Variants in FMN2 observed in about 807,000 individuals in gnomAD.
FMN2 encodes formin 2.
A neutral mutation model predicts 142.3 loss-of-function variants in FMN2; 51 were observed. The observed-to-expected ratio is 0.36, with a 90% confidence interval of 0.29 to 0.45. The LOEUF is 0.45. Ranked by LOEUF, FMN2 falls within the 20% of genes least tolerant of loss-of-function variation. FMN2 has a pLI of 1.00. For missense variants in FMN2, 1,936 were observed against 2,122.8 expected, an observed-to-expected ratio of 0.91 and a Z score of 1.73; for synonymous variants, 882 against 869.8, an observed-to-expected ratio of 1.01 and a Z score of -0.25.
chr1:240,459,008 CAA>C (rs1374661871), intron 16 of FMN2: 10 of 151,986 alleles, frequency 6.6e-5, no homozygotes, highest in Admixed American at 5.9e-4. Context: ...AGAAAAAAAC[CAA>C]ACTCTTTTTT....
rs1666544764 is a variant in FMN2, at chr1:240,208,577, A to G, written c.3765A>G (p.Pro1255=). Reference sequence around the variant, plus strand: ...CACAAGTTGGGAGTAGCACTTTACCAACCCCACAGGTGTGTGGATTTCTTC... The same window carrying G: ...CACAAGTTGGGAGTAGCACTTTACCGACCCCACAGGTGTGTGGATTTCTTC... ...LLPQVGSSTL[P]TPQVCGFLPP... is the part of the protein sequence containing the mutation. The change falls in exon 5 of 18, where the codon CCA becomes CCG. Residue 1255 remains proline, a synonymous_variant. Coordinates refer to ENST00000319653, the MANE Select transcript of FMN2 (RefSeq NM_020066.5). The G allele has an allele frequency of 6.2e-7, 1 of 1,613,432 alleles. No homozygotes were observed. The highest frequency in any genetic ancestry group is 1.3e-5 in the African/African-American group (1 of 74,720).
At chr1:240,384,161 A>G (rs1558464088) in intron 14 of FMN2, among the ~76,000 whole-genome samples, 2 of 152,072 alleles carry the variant, frequency 1.3e-5, no homozygotes, top group Non-Finnish European at 2.9e-5. Flanking sequence ...GGGAAGAGGA[A>G]GAGGAGGGAA....
At chr1:240,156,391 T>C (rs1664027439) in intron 2 of FMN2, among the ~76,000 whole-genome samples, 1 of 152,242 alleles carries the variant, frequency 6.6e-6, no homozygotes, top group Admixed American at 6.5e-5. Context: ...TTTAGGATAC[T>C]TAAAATTTAT....
intron 6 of FMN2, among the ~76,000 whole-genome samples, chr1:240,253,014 G>A (rs1179974428): frequency 7.6e-6 from 1 of 131,550 alleles, no homozygotes; most frequent in African/African-American, 2.9e-5. Flanking sequence ...GTGCAGTGGT[G>A]CAATCTTGGC....
At position 240,092,849 on chromosome 1, in the gene FMN2, T is replaced by C. The variant is rs979681813; in HGVS notation, c.740T>C (p.Leu247Pro). 1 of 1,551,286 alleles carries C rather than the reference T, an allele frequency of 6.4e-7. No homozygotes were observed. The highest frequency in any genetic ancestry group is 8.7e-7 in the Non-Finnish European group (1 of 1,150,916). The change falls in exon 1 of 18, where the codon CTG becomes CCG. Residue 247 changes from leucine (L) to proline (P), a missense_variant. By Grantham distance (98) the Leu-to-Pro change is moderately conservative. Transcript: ENST00000319653. ...GTCTCCCCTCAGCCCGGGGCCTTCC[T>C]GGGCCTGGACCGGTTCCTGCTGGGG... ...TAVSPQPGAF[L>P]GLDRFLLGPS...
chr1:240,240,500 T>C (rs1463434788), intron 6 of FMN2, among the ~76,000 whole-genome samples: 1 of 152,256 alleles, frequency 6.6e-6, no homozygotes, highest in Non-Finnish European at 1.5e-5. Context: ...ATCACGTCTT[T>C]TATTTGTGAT....
intron 8 of FMN2, among the ~76,000 whole-genome samples, chr1:240,295,391 G>A (rs1669938246): frequency 6.6e-6 from 1 of 152,126 alleles, no homozygotes; most frequent in South Asian, 2.1e-4. Context: ...ATCTCTAGAA[G>A]TTATTCATCT....
intron 15 of FMN2, among the ~76,000 whole-genome samples, chr1:240,409,600 G>A (rs1365751170): frequency 6.6e-6 from 1 of 152,194 alleles, no homozygotes; most frequent in Non-Finnish European, 1.5e-5. Flanking sequence ...CCCAATGTAA[G>A]TAAGTGGGGT....
At chr1:240,126,733 G>A (rs1343574878) in intron 2 of FMN2, among the ~76,000 whole-genome samples, 1 of 152,180 alleles carries the variant, frequency 6.6e-6, no homozygotes, top group African/African-American at 2.4e-5. Flanking sequence ...CATTCTAGAA[G>A]CCAGGCAGTG....
rs73122304 is a variant in FMN2, at chr1:240,278,018, A to G, written c.4154-16804A>G. Among the ~76,000 whole-genome samples, 505 of 152,326 alleles carry G rather than the reference A, an allele frequency of 3.3e-3. 1 individual carries two copies. The highest frequency in any genetic ancestry group is 0.011 in the African/African-American group (440 of 41,574). On this transcript the variant is annotated intron_variant, in intron 7 of 17. Transcript: ENST00000319653. ...TTTGAAATGTTTAGAATAGTTACCA[A>G]CATGCATACTTTACACTTTTGAGAT...
At position 240,206,987 on chromosome 1, in the gene FMN2, T is replaced by A. The variant is rs762821519; in HGVS notation, c.2175T>A (p.Ala725=). Reference sequence around the variant, plus strand: ...CCTCAGGCGATGTCTGTCTCGAAGCTCTCAGGTTAGAAGAAAAGGAAGTAC... The same window carrying A: ...CCTCAGGCGATGTCTGTCTCGAAGCACTCAGGTTAGAAGAAAAGGAAGTAC... The part of the protein sequence containing the change: ...VTASGDVCLE[A]LRLEEKEVRH... The change falls in exon 5 of 18, where the codon GCT becomes GCA. Residue 725 remains alanine, a synonymous_variant. Transcript: ENST00000319653. 1 of 1,614,110 alleles carries A rather than the reference T, an allele frequency of 6.2e-7. No individual in the cohort carries two copies. Among genetic ancestry groups the A allele is most frequent in the South Asian group, 1.1e-5 (1 of 91,084 alleles).
At chr1:240,187,651 C>T (rs947387023) in intron 3 of FMN2, among the ~76,000 whole-genome samples, 2 of 152,160 alleles carry the variant, frequency 1.3e-5, no homozygotes, top group Non-Finnish European at 2.9e-5. Context: ...TGCCTTAGGT[C>T]TTTTTAGAAT....
intron 8 of FMN2, among the ~76,000 whole-genome samples, chr1:240,317,515 G>A (rs1204644365): frequency 5.3e-5 from 8 of 152,066 alleles, no homozygotes; most frequent in Admixed American, 6.6e-5. Context: ...TTTAAGATTA[G>A]CTTTTTTCCA....
At chr1:240,146,700 A>T (rs1038540821) in intron 2 of FMN2, among the ~76,000 whole-genome samples, 1 of 152,172 alleles carries the variant, frequency 6.6e-6, no homozygotes, top group Non-Finnish European at 1.5e-5. Flanking sequence ...ATAAAAATTT[A>T]AAAAATAGTA....
At chr1:240,323,641 C>T (rs1671056638) in intron 8 of FMN2, among the ~76,000 whole-genome samples, 1 of 152,180 alleles carries the variant, frequency 6.6e-6, no homozygotes, top group Admixed American at 6.5e-5. Flanking sequence ...GTATCAAAAT[C>T]CTCTGTGTCC....
At chr1:240,170,973 T>C in intron 2 of FMN2, 1 of 792,738 alleles carries the variant, frequency 1.3e-6, no homozygotes. Context: ...CCTTTGAATG[T>C]ATTAGGAATG....
At chr1:240,203,250 G>A (rs1208607885) in intron 4 of FMN2, among the ~76,000 whole-genome samples, 2 of 152,172 alleles carry the variant, frequency 1.3e-5, no homozygotes, top group Non-Finnish European at 2.9e-5. Flanking sequence ...GAAAGACAGT[G>A]TGGCAATTCC....
intron 15 of FMN2, among the ~76,000 whole-genome samples, chr1:240,424,233 G>A (rs1191575266): frequency 6.6e-6 from 1 of 152,084 alleles, no homozygotes; most frequent in Non-Finnish European, 1.5e-5. Context: ...ATTTCTGATT[G>A]TCCATCTTTT....
chr1:240,277,947 C>T (rs1331790322), intron 7 of FMN2, among the ~76,000 whole-genome samples: 1 of 152,028 alleles, frequency 6.6e-6, no homozygotes, highest in Non-Finnish European at 1.5e-5. Flanking sequence ...AAATGGAACT[C>T]AAATGTTTAT....
Sources: allele counts gnomAD v4.1 joint callset (sites outside exome capture counted in the v4.1 genomes callset), GRCh38; gene constraint gnomAD v4.1.1; transcripts MANE v1.5; gene names NCBI Gene and HGNC (gene_info 2026-07-23, HGNC 2026-07-21).